DPH6: variants seen among roughly 807,000 people sequenced by gnomAD.
DPH6 encodes the protein diphthine--ammonia ligase.
A neutral mutation model predicts 38.2 loss-of-function variants in DPH6; 33 were observed. That is an observed-to-expected ratio of 0.86 (90% CI 0.65 to 1.15). The LOEUF is 1.15. Among genes scored for constraint, DPH6 ranks in the 50% most tolerant of loss-of-function variants. The probability of loss-of-function intolerance (pLI) is 0.00; values close to 1 mark genes in which losing one functional copy is unlikely to be tolerated. For missense variants in DPH6, 325 were observed against 320.0 expected, an observed-to-expected ratio of 1.02 and a Z score of -0.12; for synonymous variants, 108 against 103.0, an observed-to-expected ratio of 1.05 and a Z score of -0.30.
At chr15:35,294,486 C>T (rs1195817992) in intron 3 of DPH6, among the ~76,000 whole-genome samples, 1 of 152,202 alleles carries the variant, frequency 6.6e-6, no homozygotes, top group Non-Finnish European at 1.5e-5. Context: ...CTACTAGTTG[C>T]AACAAGAAAT....
At chr15:35,186,030 G>A in the DPH6 span, among the ~76,000 whole-genome samples, 2 of 152,000 alleles carry the variant, frequency 1.3e-5, no homozygotes, top group African/African-American at 2.4e-5. Flanking sequence ...CACTGCGCCC[G>A]GCCCCCAGTC....
intron 3 of DPH6, among the ~76,000 whole-genome samples, chr15:35,532,932 C>T (rs953230405): frequency 5.3e-5 from 8 of 151,874 alleles, no homozygotes; most frequent in Admixed American, 2.6e-4. Context: ...GGCAAAACCC[C>T]GTCTCTACTA....
At chr15:35,177,393 A>T in the DPH6 span, among the ~76,000 whole-genome samples, 1 of 151,394 alleles carries the variant, frequency 6.6e-6, no homozygotes, top group Non-Finnish European at 1.5e-5. Flanking sequence ...TGGGCAACAC[A>T]GTGAGACCCC....
chr15:35,396,083 A>G (rs1277873267), intron 6 of DPH6: 1 of 152,200 alleles, frequency 6.6e-6, no homozygotes, highest in African/African-American at 2.4e-5. Context: ...TACTACTGCC[A>G]GTTACGCTAC....
intron 3 of DPH6, among the ~76,000 whole-genome samples, chr15:35,528,113 T>C (rs2055032317): frequency 6.6e-6 from 1 of 152,186 alleles, no homozygotes; most frequent in Non-Finnish European, 1.5e-5. Context: ...AATTTGAATT[T>C]CATCTATATA....
intron 6 of DPH6, among the ~76,000 whole-genome samples, chr15:35,385,138 G>T (rs1260817239): frequency 6.6e-6 from 1 of 152,096 alleles, no homozygotes; most frequent in Non-Finnish European, 1.5e-5. Flanking sequence ...GAGAGGATGT[G>T]GAAAAATAGG....
At chr15:35,151,179 A>T in the DPH6 span, among the ~76,000 whole-genome samples, 4 of 152,190 alleles carry the variant, frequency 2.6e-5, no homozygotes, top group Non-Finnish European at 5.9e-5. Context: ...TCATGTTAGG[A>T]TTAATTTTAG....
Position 35,496,567 on chromosome 15 carries a change from A to AAAAAAAAAAAAAAAAAAATAT in DPH6, c.312+41706_312+41707insATATTTTTTTTTTTTTTTTTT. Among the ~76,000 whole-genome samples, 21 of 31,000 alleles carry AAAAAAAAAAAAAAAAAAATAT rather than the reference A, an allele frequency of 6.8e-4. 1 individual carries two copies. The highest frequency in any genetic ancestry group is 2.9e-3 in the African/African-American group (21 of 7,280). The allele number at this position is 31,000 out of a possible 152,430, so 20.3% of individuals were successfully genotyped here. ...GAAAGTTCCATCTCAAAAAAAAAAA[A>AAAAAAAAAAAAAAAAAAATAT]ATATATATATATATATATATATATC... On this transcript the variant is annotated intron_variant, in intron 3 of 8. Transcript: ENST00000256538.
At chr15:35,257,419 T>G (rs2051715591) in intron 3 of DPH6, among the ~76,000 whole-genome samples, 2 of 152,176 alleles carry the variant, frequency 1.3e-5, no homozygotes, top group African/African-American at 4.8e-5. Flanking sequence ...GAATGAGAGA[T>G]CCGCACTTCT....
chr15:35,334,602 G>A (rs573738356), intron 3 of DPH6, among the ~76,000 whole-genome samples: 3 of 152,000 alleles, frequency 2.0e-5, no homozygotes, highest in Admixed American at 6.6e-5. Context: ...TCCCCACCAC[G>A]TGTCCATGTG....
intron 6 of DPH6, among the ~76,000 whole-genome samples, chr15:35,392,970 G>A (rs1458155407): frequency 6.6e-6 from 1 of 152,208 alleles, no homozygotes; most frequent in Non-Finnish European, 1.5e-5. Flanking sequence ...AGTAATGGCA[G>A]TGAGACAAGG....
chr15:35,443,587 G>A (rs1487732128), intron 5 of DPH6, among the ~76,000 whole-genome samples: 1 of 152,152 alleles, frequency 6.6e-6, no homozygotes, highest in African/African-American at 2.4e-5. Flanking sequence ...AAATCTTCCT[G>A]AGGGGAAAAA....
intron 3 of DPH6, among the ~76,000 whole-genome samples, chr15:35,253,917 G>A (rs986455546): frequency 6.6e-6 from 1 of 152,124 alleles, no homozygotes; most frequent in African/African-American, 2.4e-5. Context: ...TTTTCCATGG[G>A]AAACCAGATC....
At chr15:35,452,139 C>T (rs960267727) in intron 4 of DPH6, among the ~76,000 whole-genome samples, 2 of 137,160 alleles carry the variant, frequency 1.5e-5, no homozygotes, top group Non-Finnish European at 3.1e-5. Flanking sequence ...TTTCCTACTA[C>T]TTATTCTCTT....
the DPH6 span, among the ~76,000 whole-genome samples, chr15:35,181,248 AC>A: frequency 6.6e-6 from 1 of 151,924 alleles, no homozygotes; most frequent in Non-Finnish European, 1.5e-5. Flanking sequence ...TTGTCACATT[AC>A]TCATGCCTGT....
At chr15:35,170,667 A>G in the DPH6 span, among the ~76,000 whole-genome samples, 15 of 152,270 alleles carry the variant, frequency 9.9e-5, no homozygotes, top group African/African-American at 2.6e-4. Flanking sequence ...TATAATAAAG[A>G]AGGTTGTTGA....
At chr15:35,203,078 A>G in the DPH6 span, among the ~76,000 whole-genome samples, 2 of 151,832 alleles carry the variant, frequency 1.3e-5, no homozygotes, top group African/African-American at 4.8e-5. Flanking sequence ...GCAAATAAAT[A>G]TAATTTTTGT....
At chr15:35,173,134 G>A in the DPH6 span, among the ~76,000 whole-genome samples, 1 of 152,174 alleles carries the variant, frequency 6.6e-6, no homozygotes, top group Non-Finnish European at 1.5e-5. Flanking sequence ...TCTGGGATCA[G>A]TACAGAAACT....
chr15:35,146,105 G>A, the DPH6 span, among the ~76,000 whole-genome samples: 2 of 137,700 alleles, frequency 1.5e-5, no homozygotes, highest in African/African-American at 5.2e-5. Context: ...GTGTGTGTGT[G>A]TGTGTGTATA....
Sources: allele counts gnomAD v4.1 joint callset (sites outside exome capture counted in the v4.1 genomes callset), GRCh38; gene constraint gnomAD v4.1.1; transcripts MANE v1.5; gene names NCBI Gene and HGNC (gene_info 2026-07-23, HGNC 2026-07-21).